MAML3: variants seen among roughly 807,000 people sequenced by gnomAD.
The protein encoded by MAML3 is mastermind like transcriptional coactivator 3, also known as mastermind-like protein 3.
MAML3 carries 27 observed loss-of-function variants against 101.9 expected under a neutral mutation model. The ratio of observed to expected loss-of-function variants is 0.27; its 90% CI spans 0.20 to 0.37. The LOEUF is 0.37. Ranked by LOEUF, MAML3 falls within the 10% of genes least tolerant of loss-of-function variation. The pLI is 1.00. For missense variants in MAML3, 1,316 were observed against 1,444.9 expected (o/e 0.91, Z 1.45); for synonymous variants, 501 against 555.9 (o/e 0.90, Z 1.39).
At position 139,899,876 on chromosome 4, in the gene MAML3, C is replaced by T. The variant is rs188816676; in HGVS notation, c.469-8909G>A. The stretch of plus-strand genomic sequence containing the variant: ...TTTCGACCATCCCAGAATGCGGCTT[C>T]CCTGTACCTGTTCAGTGGGAAATGC... On this transcript the variant is annotated intron_variant, in intron 1 of 4. Coordinates refer to ENST00000509479, the MANE Select transcript of MAML3 (RefSeq NM_018717.5). 1.2e-4 allele frequency among the ~76,000 whole-genome samples: 19 copies of T among 152,286 alleles called. No individual in the cohort carries two copies. In the East Asian group the frequency reaches 3.5e-3, roughly 28 times the overall value.
At position 139,840,618 on chromosome 4, in the gene MAML3, G is replaced by T. The variant is rs1053656135; in HGVS notation, c.2079+48739C>A. 2.6e-5 allele frequency among the ~76,000 whole-genome samples: 4 copies of T among 152,184 alleles called. No homozygotes were observed. The South Asian group carries it at 8.3e-4, about 31-fold the overall frequency. Reference sequence around the variant, plus strand: ...GCGGTAGTTGCTTTTCAAAATGAGTGTATCATTGAACTTGAGAAAATGCAC... The same window carrying T: ...GCGGTAGTTGCTTTTCAAAATGAGTTTATCATTGAACTTGAGAAAATGCAC... On this transcript the variant is annotated intron_variant, in intron 2 of 4. Transcript: ENST00000509479.
At chr4:139,991,283 G>C (rs963622530) in intron 1 of MAML3, among the ~76,000 whole-genome samples, 2 of 152,134 alleles carry the variant, frequency 1.3e-5, no homozygotes, top group Non-Finnish European at 2.9e-5. Flanking sequence ...ACAAACCTGA[G>C]AAAAACAAGC....
At chr4:140,080,032 T>TA (rs904520057) in intron 1 of MAML3, among the ~76,000 whole-genome samples, 3 of 152,190 alleles carry the variant, frequency 2.0e-5, no homozygotes, top group African/African-American at 7.2e-5. Context: ...AATGTATTAA[T>TA]AAAAAATACG....
chr4:140,086,224 A>ACCAT (rs1405308901), intron 1 of MAML3, among the ~76,000 whole-genome samples: 1 of 152,194 alleles, frequency 6.6e-6, no homozygotes, highest in African/African-American at 2.4e-5. Context: ...CTGACCCTCC[A>ACCAT]CCATCCGCAC....
chr4:139,744,462 G>A (rs1729261116), intron 2 of MAML3, among the ~76,000 whole-genome samples: 1 of 152,196 alleles, frequency 6.6e-6, no homozygotes, highest in Admixed American at 6.5e-5. Flanking sequence ...TTTATGTGGA[G>A]TAAGTCACTG....
At chr4:140,056,583 G>T (rs113985612) in intron 1 of MAML3, among the ~76,000 whole-genome samples, 59 of 151,976 alleles carry the variant, frequency 3.9e-4, no homozygotes, top group African/African-American at 1.4e-3. Flanking sequence ...GAGACGGGCG[G>T]ATCACCTGAG....
intron 1 of MAML3, among the ~76,000 whole-genome samples, chr4:140,035,674 C>G (rs1193937492): frequency 6.6e-6 from 1 of 151,724 alleles, no homozygotes; most frequent in Non-Finnish European, 1.5e-5. Flanking sequence ...CGCCAGCTAC[C>G]CAGGAGGCTG....
chr4:140,151,690 CG>C (rs397995581), intron 1 of MAML3, among the ~76,000 whole-genome samples: 44,120 of 125,620 alleles, frequency 0.35, 8,302 homozygotes, highest in African/African-American at 0.52. Context: ...CGGCGCGGTG[CG>C]GGGGGGGGGG....
In MAML3 at chr4:140,060,365, C is replaced by CAAAAAAAAAAAAAAA. The variant is rs70943471; in HGVS notation, c.468+92480_468+92494dup. The stretch of plus-strand genomic sequence containing the variant: ...TGGGCGACAGAGTAAGACTCTGTCT[C>CAAAAAAAAAAAAAAA]AAAAAAAAAAAAAAAAAAAAGTCAC... On this transcript the variant is annotated intron_variant, in intron 1 of 4. Coordinates refer to ENST00000509479, the MANE Select transcript of MAML3 (RefSeq NM_018717.5). 3.8e-3 allele frequency among the ~76,000 whole-genome samples: 72 copies of CAAAAAAAAAAAAAAA among 19,124 alleles called. 22 individuals carry two copies. Among genetic ancestry groups the CAAAAAAAAAAAAAAA allele is most frequent in the African/African-American group, 8.3e-3 (47 of 5,634 alleles). 12.5% of individuals were successfully genotyped at this position (19,124 alleles called of 152,430 possible). A position where few individuals can be genotyped will look rare whatever the true frequency, so the allele number is the denominator to read the frequency against.
At chr4:139,961,240 CTTT>C (rs752509425) in intron 1 of MAML3, among the ~76,000 whole-genome samples, 7 of 152,202 alleles carry the variant, frequency 4.6e-5, no homozygotes, top group South Asian at 2.1e-4. Context: ...CAGTTATCTT[CTTT>C]TGAGATTATT....
intron 2 of MAML3, among the ~76,000 whole-genome samples, chr4:139,786,204 C>T (rs567187728): frequency 6.6e-6 from 1 of 152,012 alleles, no homozygotes; most frequent in Non-Finnish European, 1.5e-5. Context: ...AACAGCTTCA[C>T]CTCAGCCTTC....
At chr4:140,141,834 C>CT (rs1365818000) in intron 1 of MAML3, among the ~76,000 whole-genome samples, 3 of 152,150 alleles carry the variant, frequency 2.0e-5, no homozygotes, top group Non-Finnish European at 4.4e-5. Context: ...CTAAAATGGG[C>CT]TGTAATAAGA....
chr4:139,757,845 G>T (rs952844254), intron 2 of MAML3, among the ~76,000 whole-genome samples: 2 of 151,798 alleles, frequency 1.3e-5, no homozygotes, highest in Non-Finnish European at 2.9e-5. Flanking sequence ...TCTTTACCTG[G>T]CTAACTCCTT....
intron 1 of MAML3, among the ~76,000 whole-genome samples, chr4:139,902,543 C>A (rs1732747370): frequency 6.6e-6 from 1 of 152,122 alleles, no homozygotes; most frequent in African/African-American, 2.4e-5. Context: ...AAGAAGATAC[C>A]CACAGACAGA....
chr4:140,039,335 G>A lies in MAML3; in HGVS notation c.468+113525C>T, dbSNP rs985886736. Among the ~76,000 whole-genome samples the A allele has an allele frequency of 9.9e-5, 15 of 152,090 alleles. 1 individual carries two copies. Among genetic ancestry groups the A allele is most frequent in the East Asian group, 7.8e-4 (4 of 5,158 alleles). On this transcript the variant is annotated intron_variant, in intron 1 of 4. Coordinates refer to ENST00000509479, the MANE Select transcript of MAML3 (RefSeq NM_018717.5). ...TGTCTGCTGGACTGCTCCCTGGTAC[G>A]GTCAATTGGGCATGTTCTAGCGGAA...
At chr4:140,022,273 G>T (rs1452421711) in intron 1 of MAML3, among the ~76,000 whole-genome samples, 1 of 152,106 alleles carries the variant, frequency 6.6e-6, no homozygotes, top group African/African-American at 2.4e-5. Context: ...TAGTGGGTTA[G>T]CCTAGGAACA....
At position 139,730,421 on chromosome 4, in the gene MAML3, C is replaced by G. The variant is rs1461680321; in HGVS notation, c.2326G>C (p.Glu776Gln). Residue 776 changes from glutamate (E) to glutamine (Q), a missense_variant, in exon 3 of 5, where the codon GAA becomes CAA. Transcript: ENST00000509479. Reference protein sequence around the residue: ...QQQQQQQILAEQQLQQSHLPR... With the variant: ...QQQQQQQILAQQQLQQSHLPR... ...CACGCCAAGGGGCATGTTACCTGTT[C>G]CGCCAAAATCTGCTGCTGCTGCTGC... 5 of 1,497,062 alleles carry G rather than the reference C, an allele frequency of 3.3e-6. No homozygotes were observed. Among genetic ancestry groups the G allele is most frequent in the Admixed American group, 4.5e-5 (2 of 44,074 alleles). The allele number at this position is 1,497,062 out of a possible 1,614,324, so 92.7% of individuals were successfully genotyped here.
chr4:140,092,628 G>A (rs930847132), intron 1 of MAML3, among the ~76,000 whole-genome samples: 3 of 152,156 alleles, frequency 2.0e-5, no homozygotes, highest in South Asian at 2.1e-4. Flanking sequence ...TGTCATTTGC[G>A]TTTCAATGTG....
At chr4:140,068,721 A>G (rs1049608028) in intron 1 of MAML3, among the ~76,000 whole-genome samples, 2 of 152,244 alleles carry the variant, frequency 1.3e-5, no homozygotes, top group African/African-American at 4.8e-5. Flanking sequence ...TGAGGATTTA[A>G]TATGTAAATA....
Sources: allele counts gnomAD v4.1 joint callset (sites outside exome capture counted in the v4.1 genomes callset), GRCh38; gene constraint gnomAD v4.1.1; transcripts MANE v1.5; gene names NCBI Gene and HGNC (gene_info 2026-07-23, HGNC 2026-07-21).